Variants in ZNF566 observed in about 807,000 individuals in gnomAD.
The protein encoded by ZNF566 is zinc finger protein 566.
In ZNF566, 27 loss-of-function variants were observed where a neutral mutation model predicts 32.8. The observed-to-expected ratio is 0.82, with a 90% CI of 0.61 to 1.14. The LOEUF (loss-of-function observed/expected upper bound fraction) is 1.14. ZNF566 is among the 50% of genes most tolerant of loss of function. The probability of loss-of-function intolerance (pLI) is 0.00; values close to 1 mark genes in which losing one functional copy is unlikely to be tolerated. For synonymous variants in ZNF566, 154 were observed against 159.5 expected, an observed-to-expected ratio of 0.97 and a Z score of 0.26; for missense variants, 402 against 490.4, an observed-to-expected ratio of 0.82 and a Z score of 1.70.
At chr19:36,475,691 A>T (rs147016208) in intron 2 of ZNF566, among the ~76,000 whole-genome samples, 1 of 152,120 alleles carries the variant, frequency 6.6e-6, no homozygotes, top group Non-Finnish European at 1.5e-5. Flanking sequence ...ACCAGCATGT[A>T]AACATTGTTT....
In ZNF566 at chr19:36,449,124, C is replaced by G. The variant is rs1337492639; in HGVS notation, c.1110G>C (p.Lys370Asn). 6.2e-7 allele frequency: 1 copy of G among 1,614,058 alleles called. No individual in the cohort carries two copies. Among genetic ancestry groups the G allele is most frequent in the Non-Finnish European group, 8.5e-7 (1 of 1,179,984 alleles). ...IHTGEKPYEC[K>N]ICGKAYSQSS... ...TCTGAGAATAAGCCTTCCCACATAT[C>G]TTACATTCATAGGGTTTCTCCCCAG... The change falls in exon 5 of 5, where the codon AAG (lysine) becomes AAC (asparagine). Residue 370 changes from lysine (K) to asparagine (N), a missense_variant. By Grantham distance (94) the Lys-to-Asn change is moderately conservative (BLOSUM62 0). Coordinates refer to ENST00000452939, the MANE Select transcript of ZNF566 (RefSeq NM_001145344.1).
Position 36,489,513 on chromosome 19 carries a change from C to T in ZNF566, c.-87G>A, listed in dbSNP as rs2034257841. On this transcript the variant is annotated 5_prime_UTR_variant, in exon 1 of 5. Coordinates refer to ENST00000452939, the MANE Select transcript of ZNF566 (RefSeq NM_001145344.1). Reference sequence around the variant, plus strand: ...GCTTTCGAAGCAGCAGAACCCTCCCCGGCACTGGGGTAGTTGCTGGTAAAG... The same window carrying T: ...GCTTTCGAAGCAGCAGAACCCTCCCTGGCACTGGGGTAGTTGCTGGTAAAG... 1 of 346,126 alleles carries T rather than the reference C, an allele frequency of 2.9e-6. No homozygotes were observed. Among genetic ancestry groups the T allele is most frequent in the Non-Finnish European group, 5.7e-6 (1 of 175,624 alleles). The allele number at this position is 346,126 out of a possible 1,614,324, so 21.4% of individuals were successfully genotyped here. A position where few individuals can be genotyped will look rare whatever the true frequency, so the allele number is the denominator to read the frequency against.
chr19:36,471,933 G>A (rs1294618291), intron 4 of ZNF566, among the ~76,000 whole-genome samples: 1 of 151,900 alleles, frequency 6.6e-6, no homozygotes, highest in Non-Finnish European at 1.5e-5. Flanking sequence ...TAGTAGAGAT[G>A]GGGTTTCATC....
chr19:36,486,089 A>C (rs1406772534), intron 1 of ZNF566, among the ~76,000 whole-genome samples: 1 of 152,080 alleles, frequency 6.6e-6, no homozygotes, highest in African/African-American at 2.4e-5. Flanking sequence ...AGAAAAGAAA[A>C]AGATATTTTA....
At chr19:36,482,059 A>G (rs1225574093) in intron 1 of ZNF566, among the ~76,000 whole-genome samples, 2 of 152,332 alleles carry the variant, frequency 1.3e-5, no homozygotes, top group East Asian at 3.9e-4. Context: ...AAACGAATGA[A>G]GTTGAATATA....
chr19:36,469,944 G>A (rs2033722029), intron 4 of ZNF566, among the ~76,000 whole-genome samples: 1 of 151,982 alleles, frequency 6.6e-6, no homozygotes, highest in African/African-American at 2.4e-5. Flanking sequence ...AGAATTATAT[G>A]AGAAAATGCA....
intron 4 of ZNF566, among the ~76,000 whole-genome samples, chr19:36,452,983 T>C (rs1468476800): frequency 6.6e-6 from 1 of 151,658 alleles, no homozygotes; most frequent in Non-Finnish European, 1.5e-5. Flanking sequence ...CTGGGTATGG[T>C]GGCGTGTGCC....
intron 4 of ZNF566, among the ~76,000 whole-genome samples, chr19:36,462,956 C>CAAAAAAAAAAAAAAAAAAAAAAA (rs755283751): frequency 2.6e-5 from 1 of 38,562 alleles, no homozygotes; most frequent in Admixed American, 5.0e-4. Context: ...GACTCTGTCT[C>CAAAAAAAAAAAAAAAAAAAAAAA]AAAAAAAAAA....
intron 1 of ZNF566, among the ~76,000 whole-genome samples, chr19:36,484,883 C>G (rs899297205): frequency 6.6e-6 from 1 of 151,962 alleles, no homozygotes; most frequent in South Asian, 2.1e-4. Flanking sequence ...GCCACCGCGC[C>G]CAGCCATTTT....
rs377095746 is a variant in ZNF566 at position 36,455,281 on chromosome 19, GT to G, written c.233-5281del. Reference sequence around the variant, plus strand: ...TATCCTCAACATTGGAAAGATAAAGGTTTTTCCCCTAAGATCAGAAACAAGA... The same window carrying G: ...TATCCTCAACATTGGAAAGATAAAGGTTTTCCCCTAAGATCAGAAACAAGA... On this transcript the variant is annotated intron_variant, in intron 4 of 4. Coordinates refer to ENST00000452939, the MANE Select transcript of ZNF566 (RefSeq NM_001145344.1). Among the ~76,000 whole-genome samples, 270 of 152,098 alleles carry G rather than the reference GT, an allele frequency of 1.8e-3. 2 individuals are homozygous for G. Among genetic ancestry groups the G allele is most frequent in the African/African-American group, 6.1e-3 (252 of 41,480 alleles).
At chr19:36,486,294 G>A (rs2034159666) in intron 1 of ZNF566, among the ~76,000 whole-genome samples, 1 of 152,166 alleles carries the variant, frequency 6.6e-6, no homozygotes, top group South Asian at 2.1e-4. Flanking sequence ...TCTTCTATCA[G>A]CATAAATTTC....
intron 4 of ZNF566, among the ~76,000 whole-genome samples, chr19:36,465,071 T>C (rs1193199217): frequency 6.6e-6 from 1 of 151,946 alleles, no homozygotes; most frequent in Admixed American, 6.6e-5. Context: ...AAAGACAAAT[T>C]AGCCTAATAC....
In ZNF566 at chr19:36,488,231, C is replaced by T. The variant is rs1056287194; in HGVS notation, c.-60+1255G>A. ...CTGAGTAGCTAGGACTTATAGGTGC[C>T]AGCCACCATGCCCGGCTAATTTTTT... On this transcript the variant is annotated intron_variant, in intron 1 of 4. Transcript: ENST00000452939. Among the ~76,000 whole-genome samples the T allele has an allele frequency of 2.0e-5, 3 of 152,050 alleles. No individual in the cohort carries two copies. In the East Asian group the frequency reaches 5.8e-4, roughly 29 times the overall value.
intron 1 of ZNF566, among the ~76,000 whole-genome samples, chr19:36,479,891 CTCACTGTGTTGCCCAGGCTTGTCT>C (rs1241261244): frequency 6.6e-6 from 1 of 152,098 alleles, no homozygotes; most frequent in Non-Finnish European, 1.5e-5. Context: ...GAGACAGGGT[CTCACTGTGTTGCCCAGGCTTGTCT>C]TAAACTCTTG....
chr19:36,476,710 G>T, intron 1 of ZNF566, 94 bp from the exon 2 acceptor site: 1 of 1,026,332 alleles, frequency 9.7e-7, no homozygotes, highest in Non-Finnish European at 1.4e-6. Context: ...CTTCAGAAAT[G>T]CTTGTGGGGT....
chr19:36,481,403 G>GGAGGTT (rs1175617077), intron 1 of ZNF566, among the ~76,000 whole-genome samples: 3 of 150,862 alleles, frequency 2.0e-5, no homozygotes, highest in African/African-American at 4.9e-5. Context: ...CCCAGGAGGC[G>GGAGGTT]GAGGTTGCAG....
intron 4 of ZNF566, among the ~76,000 whole-genome samples, chr19:36,469,171 A>T (rs1436955683): frequency 6.6e-6 from 1 of 151,912 alleles, no homozygotes; most frequent in Non-Finnish European, 1.5e-5. Flanking sequence ...TATATAAGGG[A>T]GAAAGTATCA....
intron 1 of ZNF566, among the ~76,000 whole-genome samples, chr19:36,484,970 A>C (rs2034124096): frequency 6.6e-6 from 1 of 152,154 alleles, no homozygotes; most frequent in Non-Finnish European, 1.5e-5. Context: ...CAGAGGAGAA[A>C]TCTGGCAAAC....
intron 4 of ZNF566, among the ~76,000 whole-genome samples, chr19:36,459,491 G>A (rs1488495056): frequency 6.8e-6 from 1 of 146,388 alleles, no homozygotes; most frequent in Non-Finnish European, 1.5e-5. Context: ...GGGATTACAG[G>A]CGTGAGCCAC....
Sources: allele counts gnomAD v4.1 joint callset (sites outside exome capture counted in the v4.1 genomes callset), GRCh38; gene constraint gnomAD v4.1.1; transcripts MANE v1.5; gene names NCBI Gene and HGNC (gene_info 2026-07-23, HGNC 2026-07-21).